CCDC68: variants seen among roughly 807,000 people sequenced by gnomAD.
The protein encoded by CCDC68 is coiled-coil domain containing 68.
Under a neutral mutation model 47.1 loss-of-function variants are expected in CCDC68, and 45 were observed. The observed-to-expected ratio is 0.96, with a 90% confidence interval of 0.75 to 1.23. The LOEUF is 1.23. Ranked by LOEUF, CCDC68 falls within the 50% of genes most tolerant of loss-of-function variation. CCDC68 has a pLI of 0.00. For missense variants in CCDC68, 353 were observed against 373.6 expected (o/e 0.94, Z 0.45); for synonymous variants, 131 against 129.5 (o/e 1.01, Z -0.08).
intron 8 of CCDC68, among the ~76,000 whole-genome samples, chr18:54,923,874 G>T (rs189003681): frequency 1.6e-4 from 25 of 152,122 alleles, no homozygotes; most frequent in African/African-American, 5.3e-4. Flanking sequence ...CACTATGCCC[G>T]GCTAATTTTT....
At chr18:54,914,317 T>C (rs150439689) in intron 10 of CCDC68, among the ~76,000 whole-genome samples, 1 of 152,228 alleles carries the variant, frequency 6.6e-6, no homozygotes, top group East Asian at 1.9e-4. Flanking sequence ...TATACAAGTG[T>C]TAGAAAACAC....
intron 1 of CCDC68, among the ~76,000 whole-genome samples, chr18:54,949,184 T>C (rs899201456): frequency 1.4e-4 from 22 of 152,082 alleles, no homozygotes; most frequent in Non-Finnish European, 3.1e-4. Context: ...TTAGTAGAGA[T>C]GGGGTTTCGC....
At chr18:54,922,920 G>A (rs900966270) in intron 8 of CCDC68, among the ~76,000 whole-genome samples, 1 of 150,506 alleles carries the variant, frequency 6.6e-6, no homozygotes, top group Non-Finnish European at 1.5e-5. Flanking sequence ...CCCAGGAGGT[G>A]GAGGTTGCAG....
rs904273132 is a variant in CCDC68, at chr18:54,901,568, C to A, written c.*2790G>T. The A allele has an allele frequency of 2.0e-5, 3 of 152,106 alleles. No homozygotes were observed. The highest frequency in any genetic ancestry group is 6.6e-5 in the Admixed American group (1 of 15,254). 9.4% of individuals were successfully genotyped at this position (152,106 alleles called of 1,614,324 possible). A position where few individuals can be genotyped will look rare whatever the true frequency, so the allele number is the denominator to read the frequency against. ...CCAAACAATTCACACAATGTAGCATCAATTTTCTTTATGGTAAGGCATATT... is the reference window on the plus strand; with the variant it reads ...CCAAACAATTCACACAATGTAGCATAAATTTTCTTTATGGTAAGGCATATT... On this transcript the variant is annotated 3_prime_UTR_variant, in exon 12 of 12. Transcript: ENST00000591504.
chr18:54,946,929 A>ATT (rs61405125), intron 1 of CCDC68, among the ~76,000 whole-genome samples: 34,827 of 152,058 alleles, frequency 0.23, 4,394 homozygotes, highest in African/African-American at 0.35. Flanking sequence ...TAGCCACAGA[A>ATT]GACAAGCAGG....
intron 10 of CCDC68, among the ~76,000 whole-genome samples, chr18:54,909,407 G>T (rs1477995476): frequency 6.9e-6 from 1 of 144,538 alleles, no homozygotes; most frequent in Non-Finnish European, 1.5e-5. Context: ...TTTGAGACAG[G>T]GTCTCACTCT....
rs185001887 is a variant in CCDC68, at chr18:54,913,769, T to C, written c.873+4144A>G. 1.4e-3 allele frequency among the ~76,000 whole-genome samples: 211 copies of C among 152,206 alleles called. No homozygotes were observed. In the South Asian group the frequency reaches 0.016, roughly 11 times the overall value. On this transcript the variant is annotated intron_variant, in intron 10 of 11. Transcript: ENST00000591504. ...TTGAGGCTGCAGTGAGCCATGATCA[T>C]GCCACGGCACTTCAGCCTCGGCAAC...
chr18:54,918,598 T>C (rs1321776613), intron 9 of CCDC68, among the ~76,000 whole-genome samples: 1 of 152,224 alleles, frequency 6.6e-6, no homozygotes, highest in Non-Finnish European at 1.5e-5. Flanking sequence ...CAAATTCCAC[T>C]ACTCAATTCT....
At position 54,954,717 on chromosome 18, in the gene CCDC68, T is replaced by C. The variant is rs2044682689; in HGVS notation, c.-103+4619A>G. On this transcript the variant is annotated intron_variant, in intron 1 of 11. Coordinates refer to ENST00000591504, the MANE Select transcript of CCDC68 (RefSeq NM_025214.3). ...TAAATACCTCTTAGGAGATACTTGC[T>C]ATAAAATCGTGAGTATAAGGCTAGA... 4.6e-5 allele frequency: 7 copies of C among 152,198 alleles called. No homozygotes were observed. The South Asian group carries it at 1.4e-3, about 31-fold the overall frequency. The allele number at this position is 152,198 out of a possible 1,614,324, so 9.4% of individuals were successfully genotyped here.
intron 1 of CCDC68, among the ~76,000 whole-genome samples, chr18:54,946,582 T>A (rs777013572): frequency 1.3e-5 from 2 of 152,256 alleles, no homozygotes; most frequent in African/African-American, 4.8e-5. Context: ...TGAATCCCAC[T>A]GCCTTCTCAG....
chr18:54,949,404 C>G (rs762941072), intron 1 of CCDC68, among the ~76,000 whole-genome samples: 1 of 152,150 alleles, frequency 6.6e-6, no homozygotes, highest in Non-Finnish European at 1.5e-5. Flanking sequence ...TTTGAGGCTT[C>G]GTTTGCCTAA....
intron 8 of CCDC68, among the ~76,000 whole-genome samples, chr18:54,921,434 A>C (rs112547190): frequency 6.6e-6 from 1 of 152,362 alleles, no homozygotes; most frequent in Non-Finnish European, 1.5e-5. Flanking sequence ...TACAATTTAC[A>C]ATTACAAAAG....
At chr18:54,929,388 A>G (rs1452754043) in intron 7 of CCDC68, among the ~76,000 whole-genome samples, 1 of 152,252 alleles carries the variant, frequency 6.6e-6, no homozygotes, top group East Asian at 1.9e-4. Flanking sequence ...CTGCTTTCCA[A>G]TTAGGATACA....
chr18:54,919,588 T>C (rs1402771219), intron 8 of CCDC68, among the ~76,000 whole-genome samples: 1 of 152,154 alleles, frequency 6.6e-6, no homozygotes, highest in Admixed American at 6.5e-5. Context: ...AATGAGAATA[T>C]CAATTCCCAT....
intron 8 of CCDC68, 40 bp from the exon 9 acceptor site, chr18:54,919,416 G>T: frequency 1.4e-6 from 2 of 1,446,322 alleles, no homozygotes; most frequent in Non-Finnish European, 1.9e-6. Flanking sequence ...GAAAATGATT[G>T]GCTCACACGT....
Position 54,942,684 on chromosome 18 carries a change from A to G in CCDC68, c.108T>C (p.Tyr36=). 6.3e-7 allele frequency: 1 copy of G among 1,578,090 alleles called. No homozygotes were observed. Among genetic ancestry groups the G allele is most frequent in the Non-Finnish European group, 8.7e-7 (1 of 1,153,468 alleles). ...TSAHIIEETE[Y]VKKIRTTLQK... ...TCTGCTACCCACATACCTTTTTCAC[A>G]TACTCGGTTTCTTCAATAATGTGAG... The change falls in exon 3 of 12, where the codon TAT becomes TAC. Residue 36 remains tyrosine (Y), a synonymous_variant. Transcript: ENST00000591504.
intron 8 of CCDC68, among the ~76,000 whole-genome samples, chr18:54,925,195 C>T (rs1239285515): frequency 6.6e-6 from 1 of 152,152 alleles, no homozygotes; most frequent in African/African-American, 2.4e-5. Context: ...CCCCTGTGAG[C>T]AAGTCTGTAG....
chr18:54,907,028 T>C (rs1261630583), intron 11 of CCDC68, among the ~76,000 whole-genome samples: 3 of 152,188 alleles, frequency 2.0e-5, no homozygotes, highest in Non-Finnish European at 4.4e-5. Context: ...AAAATAAGAT[T>C]CTTCCCTAGA....
intron 11 of CCDC68, among the ~76,000 whole-genome samples, chr18:54,907,520 G>T (rs534057764): frequency 6.6e-6 from 1 of 152,272 alleles, no homozygotes; most frequent in South Asian, 2.1e-4. Context: ...AGGTGTTGGA[G>T]TTGAGATTGG....
Sources: allele counts gnomAD v4.1 joint callset (sites outside exome capture counted in the v4.1 genomes callset), GRCh38; gene constraint gnomAD v4.1.1; transcripts MANE v1.5; gene names NCBI Gene and HGNC (gene_info 2026-07-23, HGNC 2026-07-21).